Variants in COLEC10 observed in about 807,000 individuals in gnomAD.
The protein encoded by COLEC10 is collectin-10.
In COLEC10, 22 loss-of-function variants were observed where a neutral mutation model predicts 28.4. The observed-to-expected ratio is 0.78, with a 90% confidence interval of 0.55 to 1.11. The LOEUF is 1.11. COLEC10 is among the 50% of genes least tolerant of loss of function. COLEC10 has a pLI of 0.00. For synonymous variants in COLEC10, 125 were observed against 116.1 expected, an observed-to-expected ratio of 1.08 and a Z score of -0.49; for missense variants, 361 against 344.1, an observed-to-expected ratio of 1.05 and a Z score of -0.39.
In COLEC10 at chr8:119,085,599, C is replaced by CTTTTTTTTTTTTTTTTTTT. The variant is rs66829005; in HGVS notation, c.149-4076_149-4058dup. On this transcript the variant is annotated intron_variant, in intron 1 of 5. Coordinates refer to ENST00000332843, the MANE Select transcript of COLEC10 (RefSeq NM_006438.5). ...TTCTTTCTTCTTCTTTCTTCTTCTTCTTTTTTTTTTTTTTTTTTTTTTTGT... is the reference window on the plus strand; with the variant it reads ...TTCTTTCTTCTTCTTTCTTCTTCTTCTTTTTTTTTTTTTTTTTTTTTTTTTTTTTTTTTTTTTTTTTTGT... Among the ~76,000 whole-genome samples, 63 of 63,544 alleles carry CTTTTTTTTTTTTTTTTTTT rather than the reference C, an allele frequency of 9.9e-4. 1 individual carries two copies. Among genetic ancestry groups the CTTTTTTTTTTTTTTTTTTT allele is most frequent in the Non-Finnish European group, 1.4e-3 (42 of 29,816 alleles). 41.7% of individuals were successfully genotyped at this position (63,544 alleles called of 152,430 possible).
the COLEC10 span, among the ~76,000 whole-genome samples, chr8:118,980,586 T>C: frequency 6.6e-6 from 1 of 152,100 alleles, no homozygotes; most frequent in African/African-American, 2.4e-5. Context: ...TTAAGAGTTG[T>C]TATAAGTAGC....
At chr8:119,085,605 T>C (rs1251186229) in intron 1 of COLEC10, among the ~76,000 whole-genome samples, 512 of 59,522 alleles carry the variant, frequency 8.6e-3, no homozygotes, top group African/African-American at 0.041. Flanking sequence ...TCTTCTTTTT[T>C]TTTTTTTTTT....
intron 1 of COLEC10, among the ~76,000 whole-genome samples, chr8:119,075,807 G>T (rs937212385): frequency 1.3e-5 from 2 of 151,340 alleles, no homozygotes; most frequent in Non-Finnish European, 2.9e-5. Flanking sequence ...ATGAAGAGAG[G>T]ACCCTAATCA....
intron 1 of COLEC10, among the ~76,000 whole-genome samples, chr8:119,078,911 G>C (rs1216865209): frequency 1.3e-5 from 2 of 152,038 alleles, no homozygotes; most frequent in African/African-American, 4.8e-5. Flanking sequence ...ATGAGTTTGA[G>C]AGAGAATATT....
chr8:118,980,197 AC>A, the COLEC10 span, among the ~76,000 whole-genome samples: 3 of 150,042 alleles, frequency 2.0e-5, no homozygotes, highest in African/African-American at 4.9e-5. Context: ...GTACCATAAA[AC>A]ATTCTTTTTT....
chr8:119,072,835 T>C (rs139075140), intron 1 of COLEC10, among the ~76,000 whole-genome samples: 1 of 152,334 alleles, frequency 6.6e-6, no homozygotes, highest in African/African-American at 2.4e-5. Flanking sequence ...CCCTATCCTC[T>C]GGGATAATTC....
intron 2 of COLEC10, among the ~76,000 whole-genome samples, chr8:119,031,478 A>G (rs1049648250): frequency 6.6e-6 from 1 of 152,240 alleles, no homozygotes; most frequent in Non-Finnish European, 1.5e-5. Flanking sequence ...AGGTGGTAGA[A>G]CCTGGGCTGA....
At chr8:118,994,212 C>A (rs1173353205), upstream of COLEC10, among the ~76,000 whole-genome samples, 2 of 152,134 alleles carry the variant, frequency 1.3e-5, no homozygotes, top group African/African-American at 4.8e-5. Context: ...GACCAAGCCC[C>A]TATGTTTACA....
At chr8:118,984,938 A>G in the COLEC10 span, among the ~76,000 whole-genome samples, 1 of 152,122 alleles carries the variant, frequency 6.6e-6, no homozygotes, top group African/African-American at 2.4e-5. Flanking sequence ...TTTTAAAACC[A>G]TCATATCTCG....
At chr8:119,076,067 ATT>A (rs11330366) in intron 1 of COLEC10, among the ~76,000 whole-genome samples, 11,813 of 90,034 alleles carry the variant, frequency 0.13, 1,491 homozygotes, top group African/African-American at 0.36. Context: ...CGCCCGGCTA[ATT>A]TTTTTTTTTT....
intron 1 of COLEC10, among the ~76,000 whole-genome samples, chr8:119,072,827 C>G (rs188574868): frequency 1.3e-5 from 2 of 152,220 alleles, no homozygotes; most frequent in African/African-American, 4.8e-5. Flanking sequence ...GCACTCACCC[C>G]TATCCTCTGG....
intron 2 of COLEC10, among the ~76,000 whole-genome samples, chr8:119,013,743 C>T (rs1011427541): frequency 6.6e-6 from 1 of 150,584 alleles, no homozygotes; most frequent in Non-Finnish European, 1.5e-5. Flanking sequence ...CCTAATTACT[C>T]TCCCTGCTTT....
At chr8:119,085,498 G>T (rs73327221) in intron 1 of COLEC10, among the ~76,000 whole-genome samples, 2,272 of 152,008 alleles carry the variant, frequency 0.015, 51 homozygotes, top group African/African-American at 0.051. Context: ...GAGTGGGAAG[G>T]ATATATTTTA....
rs1815538842 is a variant in COLEC10, at chr8:119,089,126, C to G, written c.149-554C>G. 2.0e-5 allele frequency among the ~76,000 whole-genome samples: 3 copies of G among 152,294 alleles called. No homozygotes were observed. In the South Asian group the frequency reaches 6.2e-4, roughly 32 times the overall value. ...CCTGATTCTCAGTCTGGGCATTGTTCATTAAACCATTCATTCAATCTTTAA... is the reference window on the plus strand; with the variant it reads ...CCTGATTCTCAGTCTGGGCATTGTTGATTAAACCATTCATTCAATCTTTAA... On this transcript the variant is annotated intron_variant, in intron 1 of 5. Transcript: ENST00000332843.
At chr8:119,102,996 A>G (rs532223551) in intron 4 of COLEC10, among the ~76,000 whole-genome samples, 4 of 152,280 alleles carry the variant, frequency 2.6e-5, no homozygotes, top group South Asian at 4.1e-4. Context: ...ATATGGATAC[A>G]TAAGGCCATA....
At chr8:118,991,672 AG>A (rs1475964787), upstream of COLEC10, among the ~76,000 whole-genome samples, 1 of 152,156 alleles carries the variant, frequency 6.6e-6, no homozygotes, top group Non-Finnish European at 1.5e-5. Flanking sequence ...GGGAAGACAG[AG>A]GCAACTGTAT....
chr8:119,077,267 T>TTTTTTTC (rs71296910), intron 1 of COLEC10, among the ~76,000 whole-genome samples: 1 of 144,616 alleles, frequency 6.9e-6, no homozygotes, highest in Non-Finnish European at 1.5e-5. Flanking sequence ...TTTTTTTTTT[T>TTTTTTTC]GCCTCTCCAT....
the COLEC10 span, among the ~76,000 whole-genome samples, chr8:118,990,397 C>G: frequency 6.6e-6 from 1 of 151,972 alleles, no homozygotes; most frequent in African/African-American, 2.4e-5. Context: ...GTAGCTGATA[C>G]AATTTGGAAA....
chr8:119,051,748 A>G (rs1395443992), intron 2 of COLEC10, among the ~76,000 whole-genome samples: 3 of 152,200 alleles, frequency 2.0e-5, no homozygotes, highest in Non-Finnish European at 4.4e-5. Context: ...TCAGTTTCTT[A>G]AATGTATAAC....
Sources: gnomAD v4.1 joint callset for allele counts (sites outside exome capture counted in the v4.1 genomes callset) on GRCh38, gnomAD v4.1.1 for gene constraint, MANE v1.5 for transcripts, NCBI Gene and HGNC (gene_info 2026-07-23, HGNC 2026-07-21) for gene names.